CSMD3: variants seen among roughly 807,000 people sequenced by gnomAD.
CSMD3 encodes CUB and Sushi multiple domains 3.
In CSMD3, 177 loss-of-function variants were observed where a neutral mutation model predicts 435.2. The ratio of observed to expected loss-of-function variants is 0.41; its 90% confidence interval spans 0.36 to 0.46. The LOEUF (loss-of-function observed/expected upper bound fraction) is 0.46, where lower values mean the gene tolerates loss of function less well. CSMD3 is among the 20% of genes least tolerant of loss of function. The pLI is 0.34. For missense variants in CSMD3, 4,265 were observed against 4,504.6 expected (o/e 0.95, Z 1.52); for synonymous variants, 1,656 against 1,520.5 (o/e 1.09, Z -2.07).
chr8:113,369,328 G>GA (rs1010487430), intron 1 of CSMD3, among the ~76,000 whole-genome samples: 10 of 151,408 alleles, frequency 6.6e-5, no homozygotes, highest in Non-Finnish European at 1.0e-4. Context: ...GTTGGCTTGA[G>GA]AAAAAAAGAA....
intron 5 of CSMD3, among the ~76,000 whole-genome samples, chr8:113,088,359 G>A (rs2089878590): frequency 6.7e-6 from 1 of 149,696 alleles, no homozygotes; most frequent in Admixed American, 6.7e-5. Flanking sequence ...CCCATTACTG[G>A]GTATATACCC....
At chr8:113,418,727 G>A (rs575138729) in intron 1 of CSMD3, among the ~76,000 whole-genome samples, 2 of 152,304 alleles carry the variant, frequency 1.3e-5, no homozygotes, top group East Asian at 3.9e-4. Context: ...TATATCGGAA[G>A]CAGTTTCCTC....
At chr8:112,279,207 A>T (rs1199399340) in intron 59 of CSMD3, among the ~76,000 whole-genome samples, 1 of 152,224 alleles carries the variant, frequency 6.6e-6, no homozygotes, top group Non-Finnish European at 1.5e-5. Context: ...TGGGTTTTAA[A>T]TGAACAGATT....
intron 32 of CSMD3, among the ~76,000 whole-genome samples, chr8:112,464,236 T>TTAA (rs1817729945): frequency 8.5e-6 from 1 of 117,940 alleles, no homozygotes; most frequent in African/African-American, 3.7e-5. Flanking sequence ...AGACTCTGTT[T>TTAA]CAAAAAAAAA....
In CSMD3 at chr8:112,400,780, A is replaced by G. The variant is rs1405642471; in HGVS notation, c.5809+5744T>C. Among the ~76,000 whole-genome samples, 3 of 152,162 alleles carry G rather than the reference A, an allele frequency of 2.0e-5. No homozygotes were observed. The East Asian group carries it at 5.8e-4, about 29-fold the overall frequency. ...TAGCATCACCTTACTCTTTTTATAT[A>G]GATTTTTATTTTTGATGGCTAAAAT... On this transcript the variant is annotated intron_variant, in intron 35 of 70. Transcript: ENST00000297405.
At chr8:113,351,205 A>G (rs4433179) in intron 1 of CSMD3, among the ~76,000 whole-genome samples, 95,561 of 151,972 alleles carry the variant, frequency 0.63, 30,953 homozygotes, top group East Asian at 0.74. Context: ...TAAATGATAG[A>G]TGAAATGGAA....
intron 5 of CSMD3, among the ~76,000 whole-genome samples, chr8:113,037,493 C>T (rs2087405236): frequency 6.6e-6 from 1 of 151,982 alleles, no homozygotes; most frequent in Non-Finnish European, 1.5e-5. Context: ...GTATTCATTT[C>T]ATTGATTTTT....
chr8:112,380,263 G>T, intron 38 of CSMD3, 89 bp downstream of exon 38: 1 of 669,152 alleles, frequency 1.5e-6, no homozygotes, highest in East Asian at 2.8e-5. Flanking sequence ...TGAGAAAGTT[G>T]CTATAATATG....
At chr8:112,811,495 T>C (rs1046576689) in intron 12 of CSMD3, among the ~76,000 whole-genome samples, 6 of 152,158 alleles carry the variant, frequency 3.9e-5, no homozygotes, top group Non-Finnish European at 7.4e-5. Flanking sequence ...AGGAAGATTG[T>C]ATCCTGTCTT....
intron 1 of CSMD3, among the ~76,000 whole-genome samples, chr8:113,348,509 A>AGAAGCAGGGAT (rs2094167120): frequency 6.6e-6 from 1 of 152,128 alleles, no homozygotes; most frequent in Non-Finnish European, 1.5e-5. Context: ...CCCAGCTTTG[A>AGAAGCAGGGAT]GAAGCAGGGA....
intron 45 of CSMD3, among the ~76,000 whole-genome samples, chr8:112,329,455 C>T (rs1823829175): frequency 6.6e-6 from 1 of 152,072 alleles, no homozygotes; most frequent in Non-Finnish European, 1.5e-5. Context: ...ACTAAGATAT[C>T]CAATCATAAA....
At chr8:112,659,506 C>T (rs1365826776) in intron 17 of CSMD3, among the ~76,000 whole-genome samples, 1 of 152,034 alleles carries the variant, frequency 6.6e-6, no homozygotes, top group African/African-American at 2.4e-5. Context: ...TTGAGATAGT[C>T]CTCATTAACT....
intron 5 of CSMD3, among the ~76,000 whole-genome samples, chr8:113,065,072 A>C (rs2131378602): frequency 6.6e-6 from 1 of 152,288 alleles, no homozygotes; most frequent in African/African-American, 2.4e-5. Flanking sequence ...ATAGTTGACA[A>C]TATTGTTGGT....
intron 11 of CSMD3, among the ~76,000 whole-genome samples, chr8:112,845,498 C>A (rs898505426): frequency 6.6e-6 from 1 of 152,048 alleles, no homozygotes. Flanking sequence ...GAAGGAGCGG[C>A]TTATCCCCAA....
At chr8:113,266,622 G>C (rs2093473659) in intron 3 of CSMD3, among the ~76,000 whole-genome samples, 3 of 151,510 alleles carry the variant, frequency 2.0e-5, no homozygotes, top group Admixed American at 1.3e-4. Flanking sequence ...GCTGTGAATG[G>C]CACATATAAA....
intron 52 of CSMD3, among the ~76,000 whole-genome samples, chr8:112,302,471 T>C (rs1821022794): frequency 1.3e-5 from 2 of 152,088 alleles, no homozygotes; most frequent in Non-Finnish European, 2.9e-5. Flanking sequence ...TTTCATGAGA[T>C]CCATTAGATA....
intron 10 of CSMD3, among the ~76,000 whole-genome samples, chr8:112,871,550 T>C (rs1178762330): frequency 6.6e-6 from 1 of 152,092 alleles, no homozygotes; most frequent in African/African-American, 2.4e-5. Context: ...GCGCTGTTGT[T>C]TTCATGGACG....
At chr8:112,483,894 TC>T (rs1819867920) in intron 31 of CSMD3, among the ~76,000 whole-genome samples, 15 of 152,162 alleles carry the variant, frequency 9.9e-5, no homozygotes, top group Admixed American at 9.8e-4. Flanking sequence ...TCTTAATTTT[TC>T]TCTAAGGATC....
intron 6 of CSMD3, among the ~76,000 whole-genome samples, chr8:112,989,164 C>T (rs2085357599): frequency 6.6e-6 from 1 of 152,010 alleles, no homozygotes; most frequent in African/African-American, 2.4e-5. Flanking sequence ...ATAAATAAAA[C>T]AGCAGGTAGT....
Sources: allele counts gnomAD v4.1 joint callset (sites outside exome capture counted in the v4.1 genomes callset), GRCh38; gene constraint gnomAD v4.1.1; transcripts MANE v1.5; gene names NCBI Gene and HGNC (gene_info 2026-07-23, HGNC 2026-07-21).